Variants in VAT1L observed in about 807,000 individuals in gnomAD.
The protein encoded by VAT1L is vesicle amine transport 1 like, also known as putative NADPH-dependent quinone oxidoreductase VAT1L.
VAT1L carries 34 observed loss-of-function variants against 44.1 expected under a neutral mutation model. The ratio of observed to expected loss-of-function variants is 0.77; its 90% CI spans 0.59 to 1.03. The LOEUF is 1.03. Ranked by LOEUF, VAT1L falls within the 50% of genes least tolerant of loss-of-function variation. The pLI, the probability that VAT1L is intolerant of heterozygous loss-of-function variation, is 0.00. For missense variants in VAT1L, 615 were observed against 538.8 expected (o/e 1.14, Z -1.40); for synonymous variants, 253 against 202.2 (o/e 1.25, Z -2.13).
intron 3 of VAT1L, among the ~76,000 whole-genome samples, chr16:77,841,031 T>C (rs1204194101): frequency 6.6e-6 from 1 of 152,226 alleles, no homozygotes; most frequent in African/African-American, 2.4e-5. Flanking sequence ...GCTACATGGA[T>C]TTAAAAGTTA....
intron 7 of VAT1L, among the ~76,000 whole-genome samples, chr16:77,960,404 G>A (rs2018148694): frequency 1.3e-5 from 2 of 152,080 alleles, no homozygotes; most frequent in African/African-American, 4.8e-5. Context: ...ATGTTGAGAT[G>A]CCCAGAAACT....
intron 7 of VAT1L, among the ~76,000 whole-genome samples, chr16:77,943,288 C>T (rs1228783833): frequency 1.3e-5 from 2 of 151,458 alleles, no homozygotes; most frequent in African/African-American, 4.9e-5. Flanking sequence ...AGCTCCTGAC[C>T]TCAGGTGATC....
chr16:77,914,777 T>C (rs932530463), intron 7 of VAT1L, among the ~76,000 whole-genome samples: 3 of 152,126 alleles, frequency 2.0e-5, no homozygotes, highest in Non-Finnish European at 2.9e-5. Context: ...AATAGTGTTA[T>C]CATAGATCAA....
chr16:77,873,776 G>C (rs2017058043), intron 4 of VAT1L, among the ~76,000 whole-genome samples: 1 of 152,204 alleles, frequency 6.6e-6, no homozygotes, highest in Non-Finnish European at 1.5e-5. Context: ...GGTGAGGTCT[G>C]AAGGATGAGA....
At chr16:77,900,033 A>G (rs1318344906) in intron 7 of VAT1L, among the ~76,000 whole-genome samples, 1 of 152,140 alleles carries the variant, frequency 6.6e-6, no homozygotes, top group Non-Finnish European at 1.5e-5. Flanking sequence ...CAGAGGTGAC[A>G]ATTCAAAGAG....
chr16:77,860,692 C>A lies in VAT1L; in HGVS notation c.580-2056C>A, dbSNP rs891389481. On this transcript the variant is annotated intron_variant, in intron 3 of 8. Transcript: ENST00000302536. The stretch of plus-strand genomic sequence containing the variant: ...TTGCTGCATTGGTTGCTGATATTTA[C>A]CCTCCCTAGAAAAGATAGTCCTCTC... Among the ~76,000 whole-genome samples, 3 of 152,252 alleles carry A rather than the reference C, an allele frequency of 2.0e-5. No individual in the cohort carries two copies. The East Asian group carries it at 5.8e-4, about 29-fold the overall frequency.
chr16:77,935,262 G>C (rs1015896158), intron 7 of VAT1L, among the ~76,000 whole-genome samples: 25 of 152,140 alleles, frequency 1.6e-4, no homozygotes, highest in Non-Finnish European at 3.2e-4. Flanking sequence ...CAGTTTTAAA[G>C]TGATAATTGA....
At chr16:77,856,183 A>C (rs1378929304) in intron 3 of VAT1L, among the ~76,000 whole-genome samples, 1 of 152,186 alleles carries the variant, frequency 6.6e-6, no homozygotes, top group Non-Finnish European at 1.5e-5. Flanking sequence ...CCTACAGTGA[A>C]AGAGAGGGTG....
chr16:77,892,560 G>A lies in VAT1L; in HGVS notation c.1077+7758G>A, dbSNP rs138733043. The A allele has an allele frequency of 2.3e-3, 1,388 of 603,274 alleles. 13 individuals carry two copies. The African/African-American group carries it at 0.024, about 10-fold the overall frequency. The allele number at this position is 603,274 out of a possible 1,614,324, so 37.4% of individuals were successfully genotyped here. A position where few individuals can be genotyped will look rare whatever the true frequency, so the allele number is the denominator to read the frequency against. ...CTAAGCCCTGGAGAGGAAGGATTTG[G>A]TTATAAGGGTTCATGCTTTCACAGA... On this transcript the variant is annotated intron_variant, in intron 7 of 8. Coordinates refer to ENST00000302536, the MANE Select transcript of VAT1L (RefSeq NM_020927.3).
intron 3 of VAT1L, among the ~76,000 whole-genome samples, chr16:77,849,695 C>A (rs2016789842): frequency 1.3e-5 from 2 of 152,182 alleles, no homozygotes; most frequent in Admixed American, 1.3e-4. Context: ...TAGAACTAAA[C>A]ATCCCAGTAG....
intron 7 of VAT1L, among the ~76,000 whole-genome samples, chr16:77,922,163 T>A (rs989077514): frequency 1.3e-5 from 2 of 151,344 alleles, no homozygotes; most frequent in African/African-American, 4.9e-5. Context: ...TCTCTCGCTG[T>A]GTGAGTTTGG....
chr16:77,823,754 C>T (rs1468726561), intron 2 of VAT1L, among the ~76,000 whole-genome samples: 2 of 152,230 alleles, frequency 1.3e-5, no homozygotes, highest in Non-Finnish European at 2.9e-5. Flanking sequence ...TACAGTGGCT[C>T]ATGCCTGTAA....
intron 7 of VAT1L, among the ~76,000 whole-genome samples, chr16:77,946,178 A>G (rs2017960406): frequency 6.6e-6 from 1 of 151,668 alleles, no homozygotes; most frequent in Non-Finnish European, 1.5e-5. Flanking sequence ...TTGTACACTC[A>G]TAAGCATTTT....
chr16:77,883,003 T>C (rs1011682250), intron 6 of VAT1L, among the ~76,000 whole-genome samples: 1 of 152,294 alleles, frequency 6.6e-6, no homozygotes, highest in African/African-American at 2.4e-5. Flanking sequence ...TGTGCTTTTG[T>C]AAATAATTTT....
chr16:77,812,141 G>A (rs2016276150), intron 1 of VAT1L, among the ~76,000 whole-genome samples: 1 of 150,786 alleles, frequency 6.6e-6, no homozygotes, highest in African/African-American at 2.4e-5. Context: ...GAGTGCAGTG[G>A]AGTGATCTTG....
intron 1 of VAT1L, among the ~76,000 whole-genome samples, chr16:77,802,615 AACACACACACACACACACACACACAC>A (rs57906062): frequency 8.6e-4 from 96 of 112,046 alleles, no homozygotes; most frequent in African/African-American, 3.2e-3. Context: ...CCCCATCTCA[AACACACACACACACACACACACACAC>A]ACACACACAC....
At chr16:77,839,639 T>A (rs556278782) in intron 3 of VAT1L, among the ~76,000 whole-genome samples, 2 of 126,774 alleles carry the variant, frequency 1.6e-5, no homozygotes, top group South Asian at 5.2e-4. Flanking sequence ...AGAAGGAGAA[T>A]AGAGAAAGAA....
intron 7 of VAT1L, among the ~76,000 whole-genome samples, chr16:77,971,360 T>C (rs1262836021): frequency 6.6e-6 from 1 of 152,138 alleles, no homozygotes; most frequent in Non-Finnish European, 1.5e-5. Flanking sequence ...AGAGACAACA[T>C]TTCCTCCCAA....
chr16:77,954,100 C>T (rs1281776265), intron 7 of VAT1L, among the ~76,000 whole-genome samples: 1 of 152,102 alleles, frequency 6.6e-6, no homozygotes, highest in African/African-American at 2.4e-5. Flanking sequence ...TTTGAGCGGC[C>T]ACATGGAGAC....
Sources: gnomAD v4.1 joint callset for allele counts (sites outside exome capture counted in the v4.1 genomes callset) on GRCh38, gnomAD v4.1.1 for gene constraint, MANE v1.5 for transcripts, NCBI Gene and HGNC (gene_info 2026-07-23, HGNC 2026-07-21) for gene names.